Variants in INTS8 observed in about 807,000 individuals in gnomAD.
The protein encoded by INTS8 is protein kaonashi-1.
INTS8 carries 47 observed loss-of-function variants against 138.9 expected under a neutral mutation model. The observed-to-expected ratio is 0.34, with a 90% CI of 0.27 to 0.43. INTS8 has a LOEUF of 0.43. INTS8 is among the 20% of genes least tolerant of loss of function. The pLI is 1.00. For synonymous variants in INTS8, 392 were observed against 400.9 expected (o/e 0.98, Z 0.27); for missense variants, 996 against 1,173.0 (o/e 0.85, Z 2.20).
At chr8:94,839,321 AT>A (rs1165950074) in intron 8 of INTS8, among the ~76,000 whole-genome samples, 1 of 152,222 alleles carries the variant, frequency 6.6e-6, no homozygotes, top group Non-Finnish European at 1.5e-5. Flanking sequence ...CAGTTTTGTT[AT>A]GAAAATAACT....
At chr8:94,876,721 C>T in intron 26 of INTS8, 1 of 418,708 alleles carries the variant, frequency 2.4e-6, no homozygotes, top group South Asian at 4.7e-5. Context: ...TTTCCAATGG[C>T]TTCTCATCTC....
rs374541760 is a variant in INTS8 at position 94,849,914 on chromosome 8, A to G, written c.1332-2A>G. The G allele has an allele frequency of 6.2e-7, 1 of 1,603,834 alleles. No homozygotes were observed. The highest frequency in any genetic ancestry group is 8.5e-7 in the Non-Finnish European group (1 of 1,174,324). ...GTTTTACAATATTTCTTACTGATCT[A>G]GGAATGTGTGTCTGGGGTTGGAAGA... On this transcript the variant is annotated splice_acceptor_variant, in intron 11 of 26. Transcript: ENST00000523731. LOFTEE classifies it high-confidence loss of function.
chr8:94,877,518 T>C (rs1289379244), intron 26 of INTS8, among the ~76,000 whole-genome samples: 1 of 152,196 alleles, frequency 6.6e-6, no homozygotes, highest in Admixed American at 6.5e-5. Flanking sequence ...CTTTTTGCTA[T>C]TTCCAAACCA....
chr8:94,879,820 A>G (rs1281218882), intron 26 of INTS8: 4 of 178,718 alleles, frequency 2.2e-5, no homozygotes, highest in African/African-American at 4.8e-5. Flanking sequence ...AACTCTAAAA[A>G]TCGCCATGTA....
At chr8:94,828,938 C>G (rs1243747254) in intron 4 of INTS8, 37 bp from the exon 5 acceptor site, 1 of 1,405,696 alleles carries the variant, frequency 7.1e-7, no homozygotes, top group Non-Finnish European at 1.0e-6. Context: ...TTGAGAGTAA[C>G]TTTTGATACT....
At chr8:94,835,560 G>C (rs908322561) in intron 6 of INTS8, among the ~76,000 whole-genome samples, 22 of 151,744 alleles carry the variant, frequency 1.4e-4, no homozygotes, top group African/African-American at 5.3e-4. Context: ...TCCTGTGTTA[G>C]AAAATTCCCG....
chr8:94,844,502 C>T (rs917855334), intron 10 of INTS8, among the ~76,000 whole-genome samples: 5 of 150,576 alleles, frequency 3.3e-5, no homozygotes, highest in East Asian at 2.0e-4. Flanking sequence ...TTTTTAGTAG[C>T]GACGGGGTTT....
At chr8:94,864,472 C>T (rs1816103862) in intron 16 of INTS8, among the ~76,000 whole-genome samples, 1 of 152,152 alleles carries the variant, frequency 6.6e-6, no homozygotes, top group South Asian at 2.1e-4. Flanking sequence ...CTTTGGGAGG[C>T]CGAGGCGGAT....
At chr8:94,841,717 G>C in intron 9 of INTS8, 126 bp downstream of exon 9, 1 of 607,262 alleles carries the variant, frequency 1.6e-6, no homozygotes. Flanking sequence ...TTAATATAAG[G>C]GAAATTAACA....
intron 20 of INTS8, 110 bp downstream of exon 20, chr8:94,867,447 A>C (rs1314419544): frequency 4.0e-6 from 3 of 745,196 alleles, no homozygotes; most frequent in Non-Finnish European, 6.8e-6. Context: ...GAAATCTAAG[A>C]TTCTACAGTC....
intron 17 of INTS8, 46 bp from the exon 18 acceptor site, chr8:94,866,112 T>G (rs1816167553): frequency 1.2e-6 from 1 of 802,992 alleles, no homozygotes; most frequent in Non-Finnish European, 2.0e-6. Flanking sequence ...GATTTTATTT[T>G]TTATTTCTAA....
rs922613504 is a variant in INTS8, at chr8:94,827,812, C to G, written c.518+19C>G. ...TAAGTGTGTAAGTTGGTGGCTATGACCTTTACTTGGCACTTTTTTCATTGG... is the reference window on the plus strand; with the variant it reads ...TAAGTGTGTAAGTTGGTGGCTATGAGCTTTACTTGGCACTTTTTTCATTGG... On this transcript the variant is annotated intron_variant, in intron 4 of 26. Transcript: ENST00000523731. 1.9e-6 allele frequency: 3 copies of G among 1,593,412 alleles called. No individual in the cohort carries two copies. Among genetic ancestry groups the G allele is most frequent in the Non-Finnish European group, 2.6e-6 (3 of 1,164,328 alleles).
rs1352065719 is a variant in INTS8, at chr8:94,842,398, C to T, written c.1170C>T (p.Val390=). The part of the protein sequence containing the change: ...ICFKVCACNT[V]RDILEGRTIS... ...TTAAAGTTTGTGCCTGTAATACAGT[C>T]CGTGATATACTGGAAGGCAGAACAA... The change falls in exon 10 of 27, where the codon GTC becomes GTT. Residue 390 remains valine (V), a synonymous_variant. Transcript: ENST00000523731. 5.6e-6 allele frequency: 9 copies of T among 1,602,972 alleles called. No individual in the cohort carries two copies. The highest frequency in any genetic ancestry group is 7.7e-6 in the Non-Finnish European group (9 of 1,170,432).
chr8:94,833,133 G>T (rs1814790294), intron 6 of INTS8, among the ~76,000 whole-genome samples: 1 of 151,988 alleles, frequency 6.6e-6, no homozygotes, highest in Non-Finnish European at 1.5e-5. Flanking sequence ...GGGCTACTAA[G>T]ATTGTACCTT....
Position 94,838,044 on chromosome 8 carries a change from C to CT in INTS8, c.862-402dup, listed in dbSNP as rs776858651. ...TCTTCCAGTTTTAAATTTTTCTTTT[C>CT]TTTTTTTTTTTTTTTTTCCTGGGAC... is the stretch of plus-strand genomic sequence containing the variant. On this transcript the variant is annotated intron_variant, in intron 7 of 26. Transcript: ENST00000523731. Among the ~76,000 whole-genome samples the CT allele has an allele frequency of 7.6e-3, 1,018 of 134,298 alleles. 27 individuals are homozygous for CT. The East Asian group carries it at 0.086, about 11-fold the overall frequency. The allele number at this position is 134,298 out of a possible 152,430, so 88.1% of individuals were successfully genotyped here. A position where few individuals can be genotyped will look rare whatever the true frequency, so the allele number is the denominator to read the frequency against.
intron 20 of INTS8, 122 bp from the exon 21 acceptor site, chr8:94,871,762 A>G (rs944487252): frequency 2.4e-5 from 16 of 667,424 alleles, no homozygotes; most frequent in Middle Eastern, 2.8e-4. Context: ...TACTCCTAGT[A>G]TTTAGCATTA....
intron 7 of INTS8, among the ~76,000 whole-genome samples, chr8:94,837,622 C>A (rs998346039): frequency 4.6e-5 from 7 of 151,658 alleles, no homozygotes; most frequent in Non-Finnish European, 1.5e-5. Flanking sequence ...GATGATTATG[C>A]TCTTTGCTCG....
intron 9 of INTS8, 60 bp from the exon 10 acceptor site, chr8:94,842,287 A>G: frequency 1.7e-6 from 2 of 1,176,090 alleles, no homozygotes; most frequent in South Asian, 1.5e-5. Flanking sequence ...TAGTTGTATA[A>G]TATACACCTT....
rs1194037996 is a variant in INTS8 at position 94,873,475 on chromosome 8, C to A, written c.2635C>A (p.Gln879Lys). The A allele has an allele frequency of 1.2e-6, 2 of 1,603,264 alleles. No homozygotes were observed. Among genetic ancestry groups the A allele is most frequent in the Non-Finnish European group, 1.7e-6 (2 of 1,170,206 alleles). Reference sequence around the variant, plus strand: ...TGTGCCCCCTGATGTTTATACAGACCAGGTGAATTGTTTTCGTGGGCTGGC... The same window carrying A: ...TGTGCCCCCTGATGTTTATACAGACAAGGTGAATTGTTTTCGTGGGCTGGC... The part of the protein sequence containing the change: ...KAVPPDVYTD[Q>K]VIKRMIKCCS... Residue 879 changes from glutamine (Q) to lysine (K), a missense_variant and splice_region_variant, in exon 22 of 27, where the codon CAG (glutamine) becomes AAG (lysine). Coordinates refer to ENST00000523731, the MANE Select transcript of INTS8 (RefSeq NM_017864.4).
Sources: gnomAD v4.1 joint callset for allele counts (sites outside exome capture counted in the v4.1 genomes callset) on GRCh38, gnomAD v4.1.1 for gene constraint, MANE v1.5 for transcripts, NCBI Gene and HGNC (gene_info 2026-07-23, HGNC 2026-07-21) for gene names.